Variants in EPB41L4B observed in about 807,000 individuals in gnomAD.
EPB41L4B encodes the protein erythrocyte membrane protein band 4.1 like 4B.
A neutral mutation model predicts 112.5 loss-of-function variants in EPB41L4B; 30 were observed. That is an observed-to-expected ratio of 0.27 (90% CI 0.20 to 0.36). The LOEUF (loss-of-function observed/expected upper bound fraction) is 0.36. EPB41L4B is among the 10% of genes least tolerant of loss of function. EPB41L4B has a pLI of 1.00. For missense variants in EPB41L4B, 1,024 were observed against 1,133.3 expected (o/e 0.90, Z 1.38); for synonymous variants, 408 against 439.7 (o/e 0.93, Z 0.90).
rs1832114719 is a variant in EPB41L4B, at chr9:109,182,796, A to G, written c.2420T>C (p.Ile807Thr). 1.2e-6 allele frequency: 2 copies of G among 1,608,866 alleles called. No homozygotes were observed. The highest frequency in any genetic ancestry group is 1.7e-6 in the Non-Finnish European group (2 of 1,175,328). ...CATTGTATCAACCGGGAATGTTTTT[A>G]TCTTCAAAAGAGAGAAAGACAAGGG... The part of the protein sequence containing the change: ...CMYPPIKTRL[I>T]KTFPVDTMNP... Residue 807 changes from isoleucine (I) to threonine (T), a missense_variant and splice_region_variant, in exon 24 of 26, where the codon ATA becomes ACA. Ile to Thr is a moderately conservative substitution (Grantham distance 89). Transcript: ENST00000374566.
intron 5 of EPB41L4B, among the ~76,000 whole-genome samples, chr9:109,264,367 C>T (rs1835325078): frequency 6.6e-6 from 1 of 152,136 alleles, no homozygotes; most frequent in Non-Finnish European, 1.5e-5. Flanking sequence ...AATACAGATG[C>T]TGAAAAATGA....
chr9:109,182,310 AGG>A (rs1832092913), intron 24 of EPB41L4B, among the ~76,000 whole-genome samples: 1 of 152,226 alleles, frequency 6.6e-6, no homozygotes, highest in Non-Finnish European at 1.5e-5. Flanking sequence ...CAGTCACAAA[AGG>A]TCACATATGA....
At chr9:109,225,350 A>G (rs1833720862) in intron 15 of EPB41L4B, among the ~76,000 whole-genome samples, 1 of 152,252 alleles carries the variant, frequency 6.6e-6, no homozygotes, top group South Asian at 2.1e-4. Flanking sequence ...CTGCTGGTAA[A>G]GACATACCCG....
Position 109,192,303 on chromosome 9 carries a change from A to G in EPB41L4B, c.2276T>C (p.Met759Thr). 1.9e-6 allele frequency: 3 copies of G among 1,610,880 alleles called. No individual in the cohort carries two copies. Among genetic ancestry groups the G allele is most frequent in the Non-Finnish European group, 2.5e-6 (3 of 1,178,532 alleles). ...CAGAGGAGTGGCTTCTGTGAAATCC[A>G]TCAGAAGATCACCCGGCTCCAGGGT... Reference protein sequence around the residue: ...AFTLEPGDLLMDFTEATPLAE... With the variant: ...AFTLEPGDLLTDFTEATPLAE... Residue 759 changes from methionine to threonine, a missense_variant, in exon 22 of 26, where the codon ATG (methionine) becomes ACG (threonine). By Grantham distance (81) the Met-to-Thr change is moderately conservative (BLOSUM62 -1). Coordinates refer to ENST00000374566, the MANE Select transcript of EPB41L4B (RefSeq NM_019114.5).
At position 109,231,997 on chromosome 9, in the gene EPB41L4B, TTTC is replaced by T. The variant is rs555834094; in HGVS notation, c.1409+11618_1409+11620del. Among the ~76,000 whole-genome samples the T allele has an allele frequency of 6.1e-3, 925 of 151,952 alleles. 8 individuals carry two copies. The highest frequency in any genetic ancestry group is 0.021 in the African/African-American group (882 of 41,390). ...AATAAGCTAGACTTTCCATTCTGGG[TTTC>T]TTTTTTTTTTTGATGGAATATCGCT... On this transcript the variant is annotated intron_variant, in intron 15 of 25. Coordinates refer to ENST00000374566, the MANE Select transcript of EPB41L4B (RefSeq NM_019114.5).
Position 109,194,332 on chromosome 9 carries a change from T to C in EPB41L4B, c.2111A>G (p.Asn704Ser). Reference protein sequence around the residue: ...AVGVTTSTTTNTTTAATQVSV... With the variant: ...AVGVTTSTTTSTTTAATQVSV... ...GACTTGTGTGGCGGCCGTTGTGGTG[T>C]TTGTGGTTGTAGATGTGGTCACTCC... The change falls in exon 21 of 26, where the codon AAC (asparagine) becomes AGC (serine). Residue 704 changes from asparagine (N) to serine (S), a missense_variant. Transcript: ENST00000374566. 6.2e-7 allele frequency: 1 copy of C among 1,614,026 alleles called. No homozygotes were observed. Among genetic ancestry groups the C allele is most frequent in the East Asian group, 2.2e-5 (1 of 44,870 alleles).
intron 20 of EPB41L4B, among the ~76,000 whole-genome samples, chr9:109,199,970 C>T (rs1329287616): frequency 6.6e-6 from 1 of 152,126 alleles, no homozygotes; most frequent in Non-Finnish European, 1.5e-5. Flanking sequence ...CCCCACTCCA[C>T]AGGAACTGTG....
chr9:109,321,012 G>GCCGCCA lies in EPB41L4B; in HGVS notation c.-567_-566insTGGCGG. ...CACCTGGGAGGCTGCACCTCCAGCC[G>GCCGCCA]CCGCCGCCGCCGCCGCCGCCGCTGC... On this transcript the variant is annotated 5_prime_UTR_variant, in exon 1 of 26. Transcript: ENST00000374566. 5.4e-6 allele frequency: 1 copy of GCCGCCA among 184,444 alleles called. No individual in the cohort carries two copies. The highest frequency in any genetic ancestry group is 1.1e-5 in the Non-Finnish European group (1 of 92,388). The allele number at this position is 184,444 out of a possible 1,614,324, so 11.4% of individuals were successfully genotyped here. A position where few individuals can be genotyped will look rare whatever the true frequency, so the allele number is the denominator to read the frequency against.
At chr9:109,219,871 C>T (rs1833514626) in intron 15 of EPB41L4B, among the ~76,000 whole-genome samples, 1 of 152,012 alleles carries the variant, frequency 6.6e-6, no homozygotes, top group African/African-American at 2.4e-5. Flanking sequence ...CTGGCTCCGG[C>T]TGTAAGGATG....
At chr9:109,287,494 C>T (rs182229968) in intron 1 of EPB41L4B, among the ~76,000 whole-genome samples, 1 of 152,194 alleles carries the variant, frequency 6.6e-6, no homozygotes, top group Non-Finnish European at 1.5e-5. Flanking sequence ...TGTATGTGAG[C>T]GTGCCAGTCA....
At chr9:109,191,860 G>A (rs1832471170) in intron 22 of EPB41L4B, among the ~76,000 whole-genome samples, 1 of 152,210 alleles carries the variant, frequency 6.6e-6, no homozygotes, top group Non-Finnish European at 1.5e-5. Flanking sequence ...ATGGCAGGAG[G>A]TGCGAGGGGC....
intron 1 of EPB41L4B, among the ~76,000 whole-genome samples, chr9:109,287,715 C>T (rs1259615773): frequency 6.6e-6 from 1 of 152,142 alleles, no homozygotes; most frequent in African/African-American, 2.4e-5. Flanking sequence ...CTAACACCAG[C>T]CTTGATCTCC....
At position 109,200,338 on chromosome 9, in the gene EPB41L4B, G is replaced by C. The variant is rs142428794; in HGVS notation, c.1947-4C>G. The C allele has an allele frequency of 1.4e-5, 22 of 1,611,802 alleles. No individual in the cohort carries two copies. The highest frequency in any genetic ancestry group is 1.7e-4 in the Middle Eastern group (1 of 6,060). On this transcript the variant is annotated splice_region_variant and splice_polypyrimidine_tract_variant and intron_variant, in intron 19 of 25. Transcript: ENST00000374566. ...CACACGAATAGGAATAGGACTTCTA[G>C]AGACACACCGAAAAACAGAACAATA...
At chr9:109,250,687 A>G (rs964808140) in intron 13 of EPB41L4B, among the ~76,000 whole-genome samples, 2 of 152,172 alleles carry the variant, frequency 1.3e-5, no homozygotes, top group Non-Finnish European at 2.9e-5. Flanking sequence ...GACTGATTCA[A>G]TGCGCCTGGG....
In EPB41L4B at chr9:109,276,198, C is replaced by T. The variant is rs1030816606; in HGVS notation, c.411+3619G>A. ...ACACACACACACACACACACACACACACACAAATAACAAACCCAAGGCCAA... is the reference window on the plus strand; with the variant it reads ...ACACACACACACACACACACACACATACACAAATAACAAACCCAAGGCCAA... On this transcript the variant is annotated intron_variant, in intron 2 of 25. Coordinates refer to ENST00000374566, the MANE Select transcript of EPB41L4B (RefSeq NM_019114.5). 3.4e-5 allele frequency among the ~76,000 whole-genome samples: 3 copies of T among 88,344 alleles called. No individual in the cohort carries two copies. In the South Asian group the frequency reaches 1.2e-3, roughly 34 times the overall value. 58.0% of individuals were successfully genotyped at this position (88,344 alleles called of 152,430 possible). A position where few individuals can be genotyped will look rare whatever the true frequency, so the allele number is the denominator to read the frequency against.
At chr9:109,249,220 G>A (rs924211296) in intron 13 of EPB41L4B, among the ~76,000 whole-genome samples, 3 of 151,984 alleles carry the variant, frequency 2.0e-5, no homozygotes, top group Non-Finnish European at 4.4e-5. Context: ...GGGTCTAAAT[G>A]GCTCTGTGTT....
intron 1 of EPB41L4B, among the ~76,000 whole-genome samples, chr9:109,294,293 T>C (rs1836650259): frequency 8.7e-6 from 1 of 115,464 alleles, no homozygotes; most frequent in Non-Finnish European, 1.7e-5. Flanking sequence ...CGAGAGAGAG[T>C]GAGACTCCGT....
At chr9:109,194,493 G>T (rs756358670) in intron 20 of EPB41L4B, 96 bp from the exon 21 acceptor site, 2 of 1,344,416 alleles carry the variant, frequency 1.5e-6, no homozygotes, top group East Asian at 2.3e-5. Flanking sequence ...GAAGACCAGG[G>T]ATGGGGATTG....
chr9:109,186,473 T>C (rs1254107275), intron 22 of EPB41L4B, among the ~76,000 whole-genome samples: 1 of 151,154 alleles, frequency 6.6e-6, no homozygotes, highest in Non-Finnish European at 1.5e-5. Flanking sequence ...AAGTGTGAGC[T>C]ACCATGCCAT....
Sources: gnomAD v4.1 joint callset for allele counts (sites outside exome capture counted in the v4.1 genomes callset) on GRCh38, gnomAD v4.1.1 for gene constraint, MANE v1.5 for transcripts, NCBI Gene and HGNC (gene_info 2026-07-23, HGNC 2026-07-21) for gene names.